The following CLPTM1 variants were observed in gnomAD, a reference collection of about 807,000 sequenced individuals.
CLPTM1 encodes the protein CLPTM1 regulator of GABA type A receptor forward trafficking, also known as putative lipid scramblase CLPTM1.
A neutral mutation model predicts 77.3 loss-of-function variants in CLPTM1; 21 were observed. The ratio of observed to expected loss-of-function variants is 0.27; its 90% CI spans 0.19 to 0.39. CLPTM1 has a LOEUF of 0.39. Ranked by LOEUF, CLPTM1 falls within the 10% of genes least tolerant of loss-of-function variation. The pLI, the probability that CLPTM1 is intolerant of heterozygous loss-of-function variation, is 1.00. For missense variants in CLPTM1, 642 were observed against 921.2 expected, an observed-to-expected ratio of 0.70 and a Z score of 3.92; for synonymous variants, 373 against 381.0, an observed-to-expected ratio of 0.98 and a Z score of 0.24.
chr19:44,958,722 C>T (rs1441091201), intron 1 of CLPTM1, among the ~76,000 whole-genome samples: 3 of 152,164 alleles, frequency 2.0e-5, no homozygotes. Flanking sequence ...AGGATAGAGT[C>T]CATTGGCTCC....
At chr19:44,988,220 GA>G in intron 9 of CLPTM1, 47 bp downstream of exon 9, 2 of 1,370,790 alleles carry the variant, frequency 1.5e-6, no homozygotes, top group Non-Finnish European at 1.0e-6. Context: ...CAGGGTGGGG[GA>G]CAGGACCTGC....
chr19:44,978,976 T>C (rs1266278879), intron 5 of CLPTM1, among the ~76,000 whole-genome samples: 2 of 137,262 alleles, frequency 1.5e-5, no homozygotes, highest in African/African-American at 5.4e-5. Flanking sequence ...TCTGCTTGCC[T>C]GGCTCTTTTT....
intron 8 of CLPTM1, chr19:44,987,841 A>T: frequency 1.7e-6 from 1 of 578,280 alleles, no homozygotes; most frequent in Non-Finnish European, 3.1e-6. Context: ...CCCTTCACCC[A>T]CTCCCCGCAG....
Position 44,990,278 on chromosome 19 carries a change from T to A in CLPTM1, c.1133-117T>A. On this transcript the variant is annotated intron_variant, in intron 9 of 13. Coordinates refer to ENST00000337392, the MANE Select transcript of CLPTM1 (RefSeq NM_001294.4). This position sits in a 1 kb window ranked among gnomAD's most constrained non-coding sequence, Gnocchi z 4.8. ...GAGGGGTCTCGTTCAGCACCCCTCC[T>A]GAGGACCCAGCCCCACCCCAGGGTG... 9.7e-7 allele frequency: 1 copy of A among 1,034,572 alleles called. No homozygotes were observed. The highest frequency in any genetic ancestry group is 1.4e-6 in the Non-Finnish European group (1 of 697,316). 64.1% of individuals were successfully genotyped at this position (1,034,572 alleles called of 1,614,324 possible).
Position 44,987,161 on chromosome 19 carries a change from CT to C in CLPTM1, c.794-17del. The C allele has an allele frequency of 6.2e-7, 1 of 1,600,636 alleles. No individual in the cohort carries two copies. On this transcript the variant is annotated splice_polypyrimidine_tract_variant and intron_variant, in intron 7 of 13. Transcript: ENST00000337392. ...CTCCTGCCCGGGCCAAATGGTGCCC[CT>C]GCCCCACGTGCTGCAGATGTGAAGT... is the stretch of plus-strand genomic sequence containing the variant.
chr19:44,966,704 A>T (rs1002606217), intron 2 of CLPTM1, among the ~76,000 whole-genome samples: 2 of 151,932 alleles, frequency 1.3e-5, no homozygotes, highest in Non-Finnish European at 2.9e-5. Flanking sequence ...CATCAGAAGG[A>T]TTCCAAGAGA....
At chr19:44,955,037 G>A, upstream of CLPTM1, 1 of 1,535,702 alleles carries the variant, frequency 6.5e-7, no homozygotes, top group South Asian at 1.2e-5. Flanking sequence ...CGAAGAATCG[G>A]CAGGGAGAAG....
At chr19:44,957,518 A>G (rs1970482759) in intron 1 of CLPTM1, among the ~76,000 whole-genome samples, 1 of 152,380 alleles carries the variant, frequency 6.6e-6, no homozygotes, top group Middle Eastern at 3.4e-3. Flanking sequence ...TGGTGGATCC[A>G]GGTAATCAGT....
At chr19:44,963,187 G>A (rs1970571673) in intron 2 of CLPTM1, among the ~76,000 whole-genome samples, 1 of 113,256 alleles carries the variant, frequency 8.8e-6, no homozygotes, top group Non-Finnish European at 1.7e-5. Flanking sequence ...CCAGCCTGGG[G>A]ACAGAGTGAG....
chr19:44,985,485 T>C (rs775236189), intron 6 of CLPTM1, among the ~76,000 whole-genome samples, 182 bp downstream of exon 6: 11 of 152,114 alleles, frequency 7.2e-5, no homozygotes, highest in Non-Finnish European at 1.0e-4. Context: ...GGCAGCTGTC[T>C]CTCAGGGAGT....
chr19:44,967,228 A>G, intron 2 of CLPTM1, among the ~76,000 whole-genome samples: 1 of 152,160 alleles, frequency 6.6e-6, no homozygotes, highest in Non-Finnish European at 1.5e-5. Context: ...CCGAAGAGGG[A>G]GGATCGCTTG....
At position 44,990,547 on chromosome 19, in the gene CLPTM1, A is replaced by G; in HGVS notation, c.1285A>G (p.Ile429Val). The change falls in exon 10 of 14, where the codon ATC becomes GTC. Residue 429 changes from isoleucine to valine, a missense_variant. Coordinates refer to ENST00000337392, the MANE Select transcript of CLPTM1 (RefSeq NM_001294.4). The surrounding 1 kb of genome is among the most constrained non-coding windows in gnomAD (Gnocchi z 4.8). Reference sequence around the variant, plus strand: ...GGTCAGCGTCTTCATTGGGGTCCTCATCGACCTCTGGAAGATCACCAAGGT... The same window carrying G: ...GGTCAGCGTCTTCATTGGGGTCCTCGTCGACCTCTGGAAGATCACCAAGGT... Reference protein sequence around the residue: ...VQVSVFIGVLIDLWKITKVMD... With the variant: ...VQVSVFIGVLVDLWKITKVMD... 2.5e-6 allele frequency: 4 copies of G among 1,613,954 alleles called. No homozygotes were observed. The highest frequency in any genetic ancestry group is 3.4e-6 in the Non-Finnish European group (4 of 1,179,932).
At chr19:44,978,734 T>C (rs1358452336) in intron 5 of CLPTM1, among the ~76,000 whole-genome samples, 2 of 152,214 alleles carry the variant, frequency 1.3e-5, no homozygotes, top group Admixed American at 6.5e-5. Context: ...AATCAGTTCC[T>C]GAGGGGAGGG....
intron 1 of CLPTM1, 152 bp from the exon 2 acceptor site, chr19:44,961,811 G>A (rs185475526): frequency 1.6e-4 from 77 of 491,676 alleles, no homozygotes; most frequent in African/African-American, 1.2e-3. Flanking sequence ...GAAGAGGACC[G>A]CACCTTCCCA....
At chr19:44,955,786 C>T (rs1004332342) in intron 1 of CLPTM1, 10 of 297,786 alleles carry the variant, frequency 3.4e-5, no homozygotes, top group Non-Finnish European at 5.6e-5. Flanking sequence ...CGATTCCATG[C>T]TCTGAGGCCG....
At chr19:44,985,991 G>T (rs1970971319) in intron 6 of CLPTM1, among the ~76,000 whole-genome samples, 1 of 152,124 alleles carries the variant, frequency 6.6e-6, no homozygotes, top group South Asian at 2.1e-4. Context: ...GTCCTGGGTG[G>T]CGGAATCTCT....
chr19:44,964,215 A>G (rs1418048922), intron 2 of CLPTM1, among the ~76,000 whole-genome samples: 1 of 151,070 alleles, frequency 6.6e-6, no homozygotes, highest in Non-Finnish European at 1.5e-5. Context: ...AGACTTTAAC[A>G]TATGAATTTT....
At chr19:44,957,292 TTGACTGTC>T (rs943337102) in intron 1 of CLPTM1, among the ~76,000 whole-genome samples, 20 of 152,170 alleles carry the variant, frequency 1.3e-4, no homozygotes, top group African/African-American at 1.9e-4. Context: ...AAAGCCCTCT[TTGACTGTC>T]TGGGCTCCGC....
In CLPTM1 at chr19:44,977,340, C is replaced by T; in HGVS notation, c.469-3C>T. The T allele has an allele frequency of 6.2e-7, 1 of 1,606,570 alleles. No homozygotes were observed. On this transcript the variant is annotated splice_polypyrimidine_tract_variant and splice_region_variant and intron_variant, in intron 4 of 13. Transcript: ENST00000337392. ...TGCCCACCTGACCTTCCGTCTTTTG[C>T]AGAGCGTCCAGCAGAACGGCTCCAT... is the stretch of plus-strand genomic sequence containing the variant.
Sources: allele counts gnomAD v4.1 joint callset (sites outside exome capture counted in the v4.1 genomes callset), GRCh38; gene constraint gnomAD v4.1.1; non-coding constraint Gnocchi (gnomAD v3.1); transcripts MANE v1.5; gene names NCBI Gene and HGNC (gene_info 2026-07-23, HGNC 2026-07-21).